PCDH9: variants seen among roughly 807,000 people sequenced by gnomAD.
PCDH9 encodes the protein protocadherin 9, also known as protocadherin-9.
In PCDH9, 24 loss-of-function variants were observed where a neutral mutation model predicts 70.6. That is an observed-to-expected ratio of 0.34 (90% CI 0.25 to 0.48). PCDH9 has a LOEUF of 0.48. PCDH9 is among the 20% of genes least tolerant of loss of function. PCDH9 has a pLI of 0.99. For synonymous variants in PCDH9, 562 were observed against 558.5 expected (o/e 1.01, Z -0.09); for missense variants, 1,281 against 1,503.6 (o/e 0.85, Z 2.45).
At chr13:66,664,601 G>A (rs7992894) in intron 3 of PCDH9, among the ~76,000 whole-genome samples, 149,004 of 152,222 alleles carry the variant, frequency 0.98, 73,017 homozygotes, top group East Asian at 1. Context: ...GAATTCAGGA[G>A]AGAATTCATG....
At chr13:66,984,306 T>C (rs1353745327) in intron 2 of PCDH9, among the ~76,000 whole-genome samples, 2 of 152,194 alleles carry the variant, frequency 1.3e-5, no homozygotes, top group African/African-American at 4.8e-5. Context: ...ATTACTTAAA[T>C]CAGATATTTA....
intron 3 of PCDH9, among the ~76,000 whole-genome samples, chr13:66,657,901 C>T (rs79448042): frequency 0.019 from 2,888 of 152,234 alleles, 35 homozygotes; most frequent in Non-Finnish European, 0.029. Context: ...GTTCTGCATC[C>T]TCAGATTCAA....
chr13:66,993,994 C>T (rs1397010851), intron 2 of PCDH9, among the ~76,000 whole-genome samples: 1 of 151,008 alleles, frequency 6.6e-6, no homozygotes, highest in African/African-American at 2.4e-5. Flanking sequence ...ACTAAAGGTA[C>T]AAATAAAAAG....
intron 3 of PCDH9, among the ~76,000 whole-genome samples, chr13:66,813,977 C>A (rs559142606): frequency 6.6e-6 from 1 of 152,110 alleles, no homozygotes; most frequent in African/African-American, 2.4e-5. Flanking sequence ...CACAAACTAC[C>A]AGCAGCTTAG....
At chr13:67,033,695 G>C (rs1348119744) in intron 2 of PCDH9, among the ~76,000 whole-genome samples, 2 of 152,162 alleles carry the variant, frequency 1.3e-5, no homozygotes, top group Non-Finnish European at 2.9e-5. Context: ...ACTGACTCCA[G>C]AACTGCCAAT....
intron 3 of PCDH9, among the ~76,000 whole-genome samples, chr13:66,846,730 G>C (rs1358741563): frequency 6.6e-6 from 1 of 152,034 alleles, no homozygotes; most frequent in South Asian, 2.1e-4. Flanking sequence ...GACTAAGAAA[G>C]TTTTTTAAAC....
At chr13:66,444,759 C>A (rs1958039436) in intron 4 of PCDH9, among the ~76,000 whole-genome samples, 1 of 151,936 alleles carries the variant, frequency 6.6e-6, no homozygotes, top group South Asian at 2.1e-4. Context: ...CGGGGTTTCA[C>A]CATGTTGGCC....
chr13:66,692,673 T>C (rs899206239), intron 3 of PCDH9, among the ~76,000 whole-genome samples: 2 of 152,056 alleles, frequency 1.3e-5, no homozygotes, highest in African/African-American at 4.8e-5. Flanking sequence ...TTAATTATGG[T>C]ATAACAACAT....
At chr13:66,791,466 A>G (rs901181616) in intron 3 of PCDH9, among the ~76,000 whole-genome samples, 6 of 152,138 alleles carry the variant, frequency 3.9e-5, no homozygotes, top group Admixed American at 3.9e-4. Flanking sequence ...TGTGATTTAT[A>G]TACACACATA....
chr13:66,984,627 T>G (rs1337360203), intron 2 of PCDH9, among the ~76,000 whole-genome samples: 2 of 152,178 alleles, frequency 1.3e-5, no homozygotes, highest in African/African-American at 4.8e-5. Context: ...AATGGAATCT[T>G]ACACATTGGT....
intron 2 of PCDH9, among the ~76,000 whole-genome samples, chr13:67,191,720 C>T (rs2088919709): frequency 6.6e-6 from 1 of 152,078 alleles, no homozygotes; most frequent in Admixed American, 6.6e-5. Context: ...ATTCTTAACG[C>T]CATTCTCTCT....
At chr13:66,414,531 C>A (rs1957429466) in intron 4 of PCDH9, among the ~76,000 whole-genome samples, 1 of 152,180 alleles carries the variant, frequency 6.6e-6, no homozygotes, top group Admixed American at 6.5e-5. Flanking sequence ...CTTATTTTAA[C>A]TTTATGGAAA....
At chr13:66,892,050 G>C (rs1300406548) in intron 3 of PCDH9, among the ~76,000 whole-genome samples, 1 of 151,540 alleles carries the variant, frequency 6.6e-6, no homozygotes, top group Non-Finnish European at 1.5e-5. Context: ...TTATAATAAA[G>C]TATCAATTAA....
At chr13:66,609,681 T>C (rs997686981) in intron 4 of PCDH9, among the ~76,000 whole-genome samples, 6 of 152,122 alleles carry the variant, frequency 3.9e-5, no homozygotes, top group African/African-American at 1.4e-4. Flanking sequence ...ACATGTCTTT[T>C]TTCTGATTTT....
chr13:67,071,814 G>C (rs979372711), intron 2 of PCDH9, among the ~76,000 whole-genome samples: 4 of 149,316 alleles, frequency 2.7e-5, no homozygotes, highest in Non-Finnish European at 4.4e-5. Flanking sequence ...ACTTGAACCT[G>C]GGAGGCAGAG....
chr13:66,596,888 T>TA (rs1477533736), intron 4 of PCDH9, among the ~76,000 whole-genome samples: 88 of 150,314 alleles, frequency 5.9e-4, no homozygotes, highest in African/African-American at 2.0e-3. Flanking sequence ...TTTTTTTTTT[T>TA]TTATTCTAAA....
In PCDH9 at chr13:66,395,244, T is replaced by G. The variant is rs1485014381; in HGVS notation, c.3341-90216A>C. ...GCAATTGAGGGATCTTCTTGAGTAA[T>G]ATTGATACATTCAAAAATCTTCTGC... On this transcript the variant is annotated intron_variant, in intron 4 of 4. Coordinates refer to ENST00000377865, the MANE Select transcript of PCDH9 (RefSeq NM_203487.3). 2.0e-5 allele frequency among the ~76,000 whole-genome samples: 3 copies of G among 152,188 alleles called. No individual in the cohort carries two copies. The East Asian group carries it at 5.8e-4, about 29-fold the overall frequency.
chr13:66,569,215 AC>A (rs77324252), intron 4 of PCDH9, among the ~76,000 whole-genome samples: 14,658 of 151,556 alleles, frequency 0.097, 875 homozygotes, highest in Middle Eastern at 0.14. Context: ...ACGGGGTTTC[AC>A]CATGTTGGCC....
At chr13:67,134,117 A>G (rs2087173895) in intron 2 of PCDH9, among the ~76,000 whole-genome samples, 3 of 152,106 alleles carry the variant, frequency 2.0e-5, no homozygotes. Context: ...ATCCTCTAAG[A>G]TTGCCTCCAG....
Sources: gnomAD v4.1 joint callset for allele counts (sites outside exome capture counted in the v4.1 genomes callset) on GRCh38, gnomAD v4.1.1 for gene constraint, MANE v1.5 for transcripts, NCBI Gene and HGNC (gene_info 2026-07-23, HGNC 2026-07-21) for gene names.